The following ABCC4 variants were observed in gnomAD, a reference collection of about 807,000 sequenced individuals.
ABCC4 encodes ATP binding cassette subfamily C member 4 (PEL blood group).
A neutral mutation model predicts 168.5 loss-of-function variants in ABCC4; 102 were observed. The observed-to-expected ratio is 0.61, with a 90% CI of 0.52 to 0.71. The LOEUF (loss-of-function observed/expected upper bound fraction) is 0.71. ABCC4 is among the 30% of genes least tolerant of loss of function. The pLI is 0.00. For missense variants in ABCC4, 1,402 were observed against 1,605.8 expected, an observed-to-expected ratio of 0.87 and a Z score of 2.17; for synonymous variants, 617 against 590.7, an observed-to-expected ratio of 1.04 and a Z score of -0.65.
At chr13:95,097,592 C>CTTTTTTTTTTTTTTTTTTTTTTTTTT (rs56169430) in intron 20 of ABCC4, among the ~76,000 whole-genome samples, 1 of 82,120 alleles carries the variant, frequency 1.2e-5, no homozygotes. Flanking sequence ...AATATACATT[C>CTTTTTTTTTTTTTTTTTTTTTTTTTT]TTTTTTTTTT....
intron 27 of ABCC4, among the ~76,000 whole-genome samples, chr13:95,049,477 T>C (rs1594008346): frequency 6.6e-6 from 1 of 151,578 alleles, no homozygotes; most frequent in South Asian, 2.1e-4. Context: ...CCGTCTCTAC[T>C]AAAAATACAA....
chr13:95,148,591 AACACACACACAC>A lies in ABCC4; in HGVS notation c.2455+12586_2455+12597del, dbSNP rs55998383. 1.9e-3 allele frequency among the ~76,000 whole-genome samples: 241 copies of A among 129,786 alleles called. 1 individual carries two copies. Among genetic ancestry groups the A allele is most frequent in the Non-Finnish European group, 2.9e-3 (176 of 60,522 alleles). 85.1% of individuals were successfully genotyped at this position (129,786 alleles called of 152,430 possible). A position where few individuals can be genotyped will look rare whatever the true frequency, so the allele number is the denominator to read the frequency against. The stretch of plus-strand genomic sequence containing the variant: ...TCTCTCCCTCTCCCCTACCCATCAC[AACACACACACAC>A]ACACACACACACACACACACACACA... On this transcript the variant is annotated intron_variant, in intron 19 of 30. Coordinates refer to ENST00000645237, the MANE Select transcript of ABCC4 (RefSeq NM_005845.5).
intron 4 of ABCC4, among the ~76,000 whole-genome samples, chr13:95,218,927 GAGAAAGAAAGAA>G (rs71111597): frequency 0.021 from 909 of 42,376 alleles, 25 homozygotes; most frequent in Middle Eastern, 0.031. Flanking sequence ...GAGAAAGAAA[GAGAAAGAAAGAA>G]AGAAAGAAAG....
chr13:95,243,749 A>T (rs1332056699), intron 3 of ABCC4, among the ~76,000 whole-genome samples: 2 of 152,022 alleles, frequency 1.3e-5, no homozygotes, highest in Non-Finnish European at 2.9e-5. Context: ...TAAGCCAGGC[A>T]TGGTGCATGC....
At chr13:95,100,120 A>T (rs1383430627) in intron 20 of ABCC4, among the ~76,000 whole-genome samples, 1 of 152,220 alleles carries the variant, frequency 6.6e-6, no homozygotes, top group Non-Finnish European at 1.5e-5. Flanking sequence ...TGTCCATTTT[A>T]TCATTACTAA....
In ABCC4 at chr13:95,241,548, T is replaced by G. The variant is rs181209197; in HGVS notation, c.306+5427A>C. Among the ~76,000 whole-genome samples, 395 of 152,142 alleles carry G rather than the reference T, an allele frequency of 2.6e-3. 1 individual carries two copies. The highest frequency in any genetic ancestry group is 3.4e-3 in the Non-Finnish European group (232 of 67,980). On this transcript the variant is annotated intron_variant, in intron 3 of 30. Coordinates refer to ENST00000645237, the MANE Select transcript of ABCC4 (RefSeq NM_005845.5). ...TCCTGCCCCCCCTGCAGGCTCTAAG[T>G]GGGTGGATACTTGCTCAGTCTCCAG...
intron 19 of ABCC4, among the ~76,000 whole-genome samples, chr13:95,137,664 A>AT (rs1322117931): frequency 3.3e-5 from 5 of 152,162 alleles, no homozygotes; most frequent in Non-Finnish European, 7.3e-5. Flanking sequence ...CATTCGAAAG[A>AT]TGGGGGGGAA....
At chr13:95,188,174 T>C (rs1435535888) in intron 10 of ABCC4, among the ~76,000 whole-genome samples, 1 of 152,146 alleles carries the variant, frequency 6.6e-6, no homozygotes, top group Non-Finnish European at 1.5e-5. Flanking sequence ...CAATCCATCC[T>C]GCATAGTGGT....
intron 1 of ABCC4, among the ~76,000 whole-genome samples, chr13:95,291,380 C>T (rs935351683): frequency 1.3e-5 from 2 of 151,618 alleles, no homozygotes; most frequent in Admixed American, 1.3e-4. Flanking sequence ...GACAGAAGTG[C>T]CCAGGTGATC....
At chr13:95,087,003 A>G (rs117314153) in intron 20 of ABCC4, among the ~76,000 whole-genome samples, 1 of 150,290 alleles carries the variant, frequency 6.7e-6, no homozygotes, top group East Asian at 1.9e-4. Context: ...AGATTGCTTT[A>G]AACGATTACT....
At chr13:95,056,295 A>T (rs894027539) in intron 26 of ABCC4, among the ~76,000 whole-genome samples, 4 of 152,212 alleles carry the variant, frequency 2.6e-5, no homozygotes, top group Non-Finnish European at 5.9e-5. Flanking sequence ...ACCTTGATTC[A>T]GGGCAGCTCA....
At chr13:95,278,101 T>C (rs1465330558) in intron 1 of ABCC4, among the ~76,000 whole-genome samples, 11 of 148,712 alleles carry the variant, frequency 7.4e-5, no homozygotes, top group Non-Finnish European at 1.1e-4. Context: ...ATTGTTCTTA[T>C]GTATAAAGCA....
intron 20 of ABCC4, among the ~76,000 whole-genome samples, chr13:95,093,966 T>C (rs1429077801): frequency 6.6e-6 from 1 of 151,964 alleles, no homozygotes; most frequent in African/African-American, 2.4e-5. Flanking sequence ...GGAATATACC[T>C]AACCAAGGAA....
rs558644408 is a variant in ABCC4, at chr13:95,294,619, T to C, written c.74+6622A>G. ...GCAACCACTTCCTATTGGCCAGGTC[T>C]CAGTTTCATGGTCACCTCTGACCAC... On this transcript the variant is annotated intron_variant, in intron 1 of 30. Coordinates refer to ENST00000645237, the MANE Select transcript of ABCC4 (RefSeq NM_005845.5). Among the ~76,000 whole-genome samples the C allele has an allele frequency of 3.5e-4, 53 of 152,280 alleles. No individual in the cohort carries two copies. In the South Asian group the frequency reaches 0.01, roughly 29 times the overall value.
chr13:95,234,667 G>A lies in ABCC4; in HGVS notation c.474C>T (p.His158=), dbSNP rs768836509. 47 of 1,614,080 alleles carry A rather than the reference G, an allele frequency of 2.9e-5. No individual in the cohort carries two copies. Among genetic ancestry groups the A allele is most frequent in the Non-Finnish European group, 3.6e-5 (43 of 1,180,002 alleles). ...GTAACCTCATCCCAGCACACTGAACGTGATAAAAATATAAGTGATGCAGTA... is the reference window on the plus strand; with the variant it reads ...GTAACCTCATCCCAGCACACTGAACATGATAAAAATATAAGTGATGCAGTA... The part of the protein sequence containing the change: ...LAILHHLYFY[H]VQCAGMRLRV... Residue 158 remains histidine (H), a synonymous_variant, in exon 4 of 31, where the codon CAC becomes CAT. Coordinates refer to ENST00000645237, the MANE Select transcript of ABCC4 (RefSeq NM_005845.5).
At chr13:95,192,688 C>T (rs1472796203) in intron 9 of ABCC4, among the ~76,000 whole-genome samples, 2 of 152,062 alleles carry the variant, frequency 1.3e-5, no homozygotes, top group African/African-American at 2.4e-5. Flanking sequence ...GAGGCCAAGG[C>T]GGGCAGATCA....
At chr13:95,138,076 T>A (rs960214972) in intron 19 of ABCC4, among the ~76,000 whole-genome samples, 2 of 152,064 alleles carry the variant, frequency 1.3e-5, no homozygotes, top group African/African-American at 4.8e-5. Flanking sequence ...GCCCTTAGAG[T>A]ACTAATGAAA....
intron 8 of ABCC4, among the ~76,000 whole-genome samples, chr13:95,202,959 C>T (rs1239700395): frequency 1.3e-5 from 2 of 152,156 alleles, no homozygotes; most frequent in Non-Finnish European, 2.9e-5. Flanking sequence ...CGCGCCTGGC[C>T]GCACTTCTGA....
chr13:95,247,918 G>GCACACACACACACACATA, intron 1 of ABCC4, among the ~76,000 whole-genome samples, 165 bp from the exon 2 acceptor site: 1 of 142,656 alleles, frequency 7.0e-6, no homozygotes, highest in African/African-American at 2.8e-5. Flanking sequence ...GTTAACATGT[G>GCACACACACACACACATA]CACACACACA....
Sources: allele counts gnomAD v4.1 joint callset (sites outside exome capture counted in the v4.1 genomes callset), GRCh38; gene constraint gnomAD v4.1.1; transcripts MANE v1.5; gene names NCBI Gene and HGNC (gene_info 2026-07-23, HGNC 2026-07-21).